The following LY96 variants were observed in gnomAD, a reference collection of about 807,000 sequenced individuals.
LY96 encodes the protein myeloid differentiation protein-2.
Under a neutral mutation model 18.9 loss-of-function variants are expected in LY96, and 18 were observed. The ratio of observed to expected loss-of-function variants is 0.95; its 90% CI spans 0.66 to 1.41. LY96 has a LOEUF of 1.41. LY96 is among the 40% of genes most tolerant of loss of function. The pLI is 0.00. For synonymous variants in LY96, 66 were observed against 62.6 expected, an observed-to-expected ratio of 1.06 and a Z score of -0.26; for missense variants, 175 against 182.4, an observed-to-expected ratio of 0.96 and a Z score of 0.23.
At chr8:74,077,331 C>T in the LY96 span, among the ~76,000 whole-genome samples, 5 of 152,174 alleles carry the variant, frequency 3.3e-5, no homozygotes, top group African/African-American at 7.2e-5. Flanking sequence ...ACACTCCTGT[C>T]GCTCAGGAAA....
intron 3 of LY96, among the ~76,000 whole-genome samples, chr8:74,026,224 T>C (rs1270038049): frequency 1.3e-5 from 2 of 152,246 alleles, no homozygotes; most frequent in African/African-American, 4.8e-5. Flanking sequence ...CCCACCACAT[T>C]CACTACTTTG....
At chr8:74,051,910 A>C in the LY96 span, among the ~76,000 whole-genome samples, 1 of 152,164 alleles carries the variant, frequency 6.6e-6, no homozygotes, top group South Asian at 2.1e-4. Context: ...AGTGGGGTTC[A>C]ATTTTACTCC....
At chr8:74,026,727 C>G (rs1385356276) in intron 3 of LY96, 62 bp from the exon 4 acceptor site, 1 of 933,998 alleles carries the variant, frequency 1.1e-6, no homozygotes, top group Non-Finnish European at 1.8e-6. Flanking sequence ...TCCATGCTAC[C>G]AAGAAAAAAA....
chr8:74,063,417 C>A, the LY96 span, among the ~76,000 whole-genome samples: 3 of 152,130 alleles, frequency 2.0e-5, no homozygotes, highest in Admixed American at 6.5e-5. Flanking sequence ...ATTTTAAAAA[C>A]AATCACCTAT....
Position 74,026,894 on chromosome 8 carries a change from G to A in LY96, c.384+53G>A. The A allele has an allele frequency of 4.5e-6, 4 of 897,688 alleles. No individual in the cohort carries two copies. In the South Asian group the frequency reaches 5.6e-5, roughly 13 times the overall value. 55.6% of individuals were successfully genotyped at this position (897,688 alleles called of 1,614,324 possible). On this transcript the variant is annotated intron_variant, in intron 4 of 4. Transcript: ENST00000284818. ...TCTAACCTTTAGCAGTAATAGACAT[G>A]TTAAGCATTTGAAACAAGCAATTCA...
At chr8:74,034,315 T>C in the LY96 span, among the ~76,000 whole-genome samples, 1 of 151,864 alleles carries the variant, frequency 6.6e-6, no homozygotes, top group African/African-American at 2.4e-5. Context: ...GAGGTTGCAG[T>C]GAGCCAAGAA....
chr8:74,092,558 T>C, the LY96 span, among the ~76,000 whole-genome samples: 1 of 152,284 alleles, frequency 6.6e-6, no homozygotes, highest in South Asian at 2.1e-4. Flanking sequence ...CTGGCTGACT[T>C]TAACTTCAGC....
At chr8:74,087,821 A>T in the LY96 span, among the ~76,000 whole-genome samples, 1 of 152,060 alleles carries the variant, frequency 6.6e-6, no homozygotes, top group South Asian at 2.1e-4. Context: ...TGCTATAAAC[A>T]TTGCTTAATA....
chr8:74,052,297 C>T, the LY96 span: 2 of 152,192 alleles, frequency 1.3e-5, no homozygotes, highest in African/African-American at 4.8e-5. Flanking sequence ...TCCTCCGTCA[C>T]AGTTTCAGTT....
chr8:74,020,635 A>T lies in LY96; in HGVS notation c.332-6154A>T, dbSNP rs1489331725. 2.0e-5 allele frequency among the ~76,000 whole-genome samples: 3 copies of T among 152,356 alleles called. No homozygotes were observed. In the East Asian group the frequency reaches 5.8e-4, roughly 29 times the overall value. ...AAGACAATCCTAAGCAAAAAGAGCAAAGCTGGAGGCATCATGCTACCTGAC... is the reference window on the plus strand; with the variant it reads ...AAGACAATCCTAAGCAAAAAGAGCATAGCTGGAGGCATCATGCTACCTGAC... On this transcript the variant is annotated intron_variant, in intron 3 of 4. Coordinates refer to ENST00000284818, the MANE Select transcript of LY96 (RefSeq NM_015364.5).
chr8:74,030,105 C>T (rs1451812727), downstream of LY96, among the ~76,000 whole-genome samples: 2 of 152,204 alleles, frequency 1.3e-5, no homozygotes, highest in Non-Finnish European at 2.9e-5. Flanking sequence ...GGACTGCATC[C>T]TGGGAGCATG....
the LY96 span, among the ~76,000 whole-genome samples, chr8:74,081,042 CTTTCTT>C: frequency 2.2e-4 from 24 of 108,328 alleles, 1 homozygote; most frequent in Middle Eastern, 5.0e-3. Context: ...TTCTTTCTTT[CTTTCTT>C]TTTCTTTCTT....
the LY96 span, among the ~76,000 whole-genome samples, chr8:74,038,980 T>C: frequency 2.6e-5 from 4 of 152,354 alleles, no homozygotes; most frequent in Admixed American, 6.5e-5. Flanking sequence ...TGCCAACTAA[T>C]TTACATTCAC....
At chr8:74,065,613 T>C in the LY96 span, among the ~76,000 whole-genome samples, 1 of 152,234 alleles carries the variant, frequency 6.6e-6, no homozygotes, top group Non-Finnish European at 1.5e-5. Context: ...ACTTATGATA[T>C]AAACTTGACC....
At chr8:74,046,143 G>C in the LY96 span, among the ~76,000 whole-genome samples, 3 of 152,270 alleles carry the variant, frequency 2.0e-5, no homozygotes, top group South Asian at 6.2e-4. Flanking sequence ...GCTGGGTATG[G>C]TGGCGTGCAC....
downstream of LY96, among the ~76,000 whole-genome samples, chr8:74,032,792 C>T (rs1304735556): frequency 6.6e-6 from 1 of 152,066 alleles, no homozygotes. Context: ...GATGCAGGAC[C>T]CACAGCTCAC....
At chr8:74,066,210 G>A in the LY96 span, among the ~76,000 whole-genome samples, 437 of 152,076 alleles carry the variant, frequency 2.9e-3, no homozygotes, top group Non-Finnish European at 4.3e-3. Context: ...GTCCTCATAT[G>A]GCAGAAGGGG....
At position 74,009,010 on chromosome 8, in the gene LY96, G is replaced by A. The variant is rs186171308; in HGVS notation, c.203-991G>A. ...ATTAAAGTTAGAAAAGTTGTCTTTTGATTATGGTTACAATGAGTCATGGTG... is the reference window on the plus strand; with the variant it reads ...ATTAAAGTTAGAAAAGTTGTCTTTTAATTATGGTTACAATGAGTCATGGTG... On this transcript the variant is annotated intron_variant, in intron 2 of 4. Transcript: ENST00000284818. Among the ~76,000 whole-genome samples, 10 of 152,288 alleles carry A rather than the reference G, an allele frequency of 6.6e-5. No homozygotes were observed. The East Asian group carries it at 1.9e-3, about 29-fold the overall frequency.
At chr8:74,024,652 C>A (rs370862732) in intron 3 of LY96, among the ~76,000 whole-genome samples, 1 of 152,208 alleles carries the variant, frequency 6.6e-6, no homozygotes, top group Admixed American at 6.5e-5. Context: ...AAGTTACACA[C>A]CAAGTAGAGG....
Sources: allele counts gnomAD v4.1 joint callset (sites outside exome capture counted in the v4.1 genomes callset), GRCh38; gene constraint gnomAD v4.1.1; transcripts MANE v1.5; gene names NCBI Gene and HGNC (gene_info 2026-07-23, HGNC 2026-07-21).